Variants in GFI1B observed in about 807,000 individuals in gnomAD.
GFI1B encodes the protein zinc finger protein Gfi-1b.
In GFI1B, 20 loss-of-function variants were observed where a neutral mutation model predicts 35.3. That is an observed-to-expected ratio of 0.57 (90% CI 0.40 to 0.82). GFI1B has a LOEUF of 0.82. Ranked by LOEUF, GFI1B falls within the 40% of genes least tolerant of loss-of-function variation. The pLI, the probability that GFI1B is intolerant of heterozygous loss-of-function variation, is 0.00. For synonymous variants in GFI1B, 178 were observed against 177.6 expected (o/e 1.00, Z -0.02); for missense variants, 430 against 446.3 (o/e 0.96, Z 0.33).
chr9:132,969,149 CT>C (rs1848495398), intron 1 of GFI1B, among the ~76,000 whole-genome samples: 2 of 152,186 alleles, frequency 1.3e-5, no homozygotes, highest in Non-Finnish European at 2.9e-5. Context: ...ATGCCTCAGC[CT>C]CCTGAGTAGC....
At chr9:132,968,398 A>G (rs1278821944) in intron 1 of GFI1B, among the ~76,000 whole-genome samples, 1 of 152,150 alleles carries the variant, frequency 6.6e-6, no homozygotes, top group Non-Finnish European at 1.5e-5. Flanking sequence ...CTGGGATTAC[A>G]GGTGTGAGCC....
chr9:132,962,743 C>A (rs757582419), intron 1 of GFI1B: 2 of 400,320 alleles, frequency 5.0e-6, no homozygotes, highest in South Asian at 2.1e-5. Flanking sequence ...CTGAAAATGT[C>A]ACCATATCTG....
intron 1 of GFI1B, among the ~76,000 whole-genome samples, chr9:132,971,925 G>A (rs921821329): frequency 6.8e-6 from 1 of 147,210 alleles, no homozygotes; most frequent in African/African-American, 2.5e-5. Flanking sequence ...AGTGAGTTGA[G>A]ATCATGCCAC....
rs142654869 is a variant in GFI1B at position 132,988,257 on chromosome 9, C to G, written c.299C>G (p.Pro100Arg). ...GACTCTCCACTGTCCGACTCACCCC[C>G]ATTCTACAAGCCTAGCTTCTCCTGG... ...DGDSPLSDSP[P>R]FYKPSFSWDT... is the part of the protein sequence containing the mutation. The change falls in exon 4 of 7, where the codon CCA becomes CGA. Residue 100 changes from proline to arginine, a missense_variant. Transcript: ENST00000372122. The G allele has an allele frequency of 7.4e-6, 12 of 1,613,936 alleles. No individual in the cohort carries two copies. The African/African-American group carries it at 1.5e-4, about 20-fold the overall frequency.
At chr9:132,961,006 A>G (rs761528533) in intron 1 of GFI1B, among the ~76,000 whole-genome samples, 6 of 152,126 alleles carry the variant, frequency 3.9e-5, no homozygotes, top group Non-Finnish European at 8.8e-5. Flanking sequence ...TAGAGGTTTT[A>G]TTTTAGCTGC....
intron 1 of GFI1B, among the ~76,000 whole-genome samples, chr9:132,946,271 A>G (rs1848095891): frequency 6.6e-6 from 1 of 152,190 alleles, no homozygotes; most frequent in Admixed American, 6.5e-5. Context: ...GGTTTCAGCC[A>G]TCATGTTCTA....
intron 1 of GFI1B, among the ~76,000 whole-genome samples, chr9:132,963,966 A>G (rs1431525464): frequency 2.6e-5 from 4 of 152,146 alleles, no homozygotes; most frequent in African/African-American, 7.2e-5. Context: ...CAGGCTGGGC[A>G]TGGGTGGCTC....
At chr9:132,955,807 C>CGTGTGT (rs1491095156) in intron 1 of GFI1B, among the ~76,000 whole-genome samples, 18 of 84,940 alleles carry the variant, frequency 2.1e-4, no homozygotes, top group East Asian at 2.1e-3. Flanking sequence ...TGTGTGTGTG[C>CGTGTGT]ATGTGTGTGT....
chr9:132,989,664 C>T lies in GFI1B; in HGVS notation c.649-78C>T. 2 of 1,213,200 alleles carry T rather than the reference C, an allele frequency of 1.6e-6. No homozygotes were observed. The highest frequency in any genetic ancestry group is 2.5e-5 in the East Asian group (1 of 40,726). The allele number at this position is 1,213,200 out of a possible 1,614,324, so 75.2% of individuals were successfully genotyped here. On this transcript the variant is annotated intron_variant, in intron 5 of 6. Transcript: ENST00000372122. The surrounding 1 kb of genome is among the most constrained non-coding windows in gnomAD (Gnocchi z 6.2). ...CCTCCAGGCCGCCCCAATGGAGTGT[C>T]CTGTTCCGCAGGGGATCCCGGCCGG...
rs1451699754 is a variant in GFI1B at position 132,989,398 on chromosome 9, C to T, written c.648+200C>T. On this transcript the variant is annotated intron_variant, in intron 5 of 6. Transcript: ENST00000372122. This position sits in a 1 kb window ranked among gnomAD's most constrained non-coding sequence, Gnocchi z 6.2. ...AACTTCAGACTCTTAACTAAACCAC[C>T]GTGCAGACCACAACCATCCCTGCCT... 1.3e-5 allele frequency among the ~76,000 whole-genome samples: 2 copies of T among 152,192 alleles called. No homozygotes were observed. The highest frequency in any genetic ancestry group is 1.9e-4 in the East Asian group (1 of 5,186).
intron 1 of GFI1B, 32 bp from the exon 2 acceptor site, chr9:132,986,627 T>G: frequency 3.6e-6 from 4 of 1,125,910 alleles, no homozygotes; most frequent in Non-Finnish European, 5.3e-6. Context: ...TCTCTTGTCC[T>G]TCCTAACCGC....
chr9:132,950,785 C>T (rs1036796584), intron 1 of GFI1B, among the ~76,000 whole-genome samples: 4 of 139,222 alleles, frequency 2.9e-5, no homozygotes, highest in African/African-American at 1.1e-4. Context: ...CTTAATCACA[C>T]ACAAATGCTT....
At chr9:132,953,100 A>C (rs1166977287) in intron 1 of GFI1B, 1 of 152,162 alleles carries the variant, frequency 6.6e-6, no homozygotes, top group Non-Finnish European at 1.5e-5. Flanking sequence ...AGTTGGGCTT[A>C]AGTTTACCTT....
At position 132,991,052 on chromosome 9, in the gene GFI1B, G is replaced by C. The variant is rs748672842; in HGVS notation, c.*2G>C. The C allele has an allele frequency of 6.2e-7, 1 of 1,612,572 alleles. No individual in the cohort carries two copies. Among genetic ancestry groups the C allele is most frequent in the Admixed American group, 1.7e-5 (1 of 60,028 alleles). ...GAGAGCCAGCACAATCTCAAGTGAG[G>C]CTGCGCCGGCTCCCAGCTCCTGGCC... On this transcript the variant is annotated 3_prime_UTR_variant, in exon 7 of 7. Transcript: ENST00000372122.
At chr9:132,967,974 G>A (rs1848473577) in intron 1 of GFI1B, among the ~76,000 whole-genome samples, 1 of 152,030 alleles carries the variant, frequency 6.6e-6, no homozygotes, top group South Asian at 2.1e-4. Flanking sequence ...TAGAGATGGG[G>A]TTTCACCATG....
chr9:132,991,823 T>C (rs1417760954), downstream of GFI1B: 3 of 152,166 alleles, frequency 2.0e-5, no homozygotes, highest in Non-Finnish European at 4.4e-5. Flanking sequence ...TGTGGAGAAG[T>C]GTACTCAGCC....
In GFI1B at chr9:132,988,316, C is replaced by A. The variant is rs533662277; in HGVS notation, c.358C>A (p.Arg120=). 1.2e-6 allele frequency: 2 copies of A among 1,614,054 alleles called. No individual in the cohort carries two copies. The highest frequency in any genetic ancestry group is 1.7e-6 in the Non-Finnish European group (2 of 1,180,018). The part of the protein sequence containing the change: ...TLATTYGHSY[R]QAPSTMQSAF... ...GGCCACAACCTATGGCCACAGCTAC[C>A]GGCAGGCCCCCTCCACCATGCAGTC... The change falls in exon 4 of 7, where the codon CGG becomes AGG. Residue 120 remains arginine, a synonymous_variant. Coordinates refer to ENST00000372122, the MANE Select transcript of GFI1B (RefSeq NM_001377304.1).
chr9:132,981,757 A>G (rs1588430212), intron 1 of GFI1B, among the ~76,000 whole-genome samples: 1 of 150,982 alleles, frequency 6.6e-6, no homozygotes. Flanking sequence ...TTTCCCCTTG[A>G]ATCTTTTTTT....
In GFI1B at chr9:132,987,425, C is replaced by A. The variant is rs761344902; in HGVS notation, c.238+6C>A. The A allele has an allele frequency of 2.5e-6, 4 of 1,614,188 alleles. No individual in the cohort carries two copies. The South Asian group carries it at 4.4e-5, about 18-fold the overall frequency. Reference sequence around the variant, plus strand: ...CAGGATGGCCCCGGCACCAGGTACCCCGCTGTGACCCACTGTCATTCCCCA... The same window carrying A: ...CAGGATGGCCCCGGCACCAGGTACCACGCTGTGACCCACTGTCATTCCCCA... On this transcript the variant is annotated splice_donor_region_variant and intron_variant, in intron 3 of 6. Coordinates refer to ENST00000372122, the MANE Select transcript of GFI1B (RefSeq NM_001377304.1).
Sources: gnomAD v4.1 joint callset for allele counts (sites outside exome capture counted in the v4.1 genomes callset) on GRCh38, gnomAD v4.1.1 for gene constraint, Gnocchi (gnomAD v3.1) non-coding constraint, MANE v1.5 for transcripts, NCBI Gene and HGNC (gene_info 2026-07-23, HGNC 2026-07-21) for gene names.